The following MADD variants were observed in gnomAD, a reference collection of about 807,000 sequenced individuals.
MADD encodes MAP kinase-activating death domain protein.
In MADD, 109 loss-of-function variants were observed where a neutral mutation model predicts 176.7. That is an observed-to-expected ratio of 0.62 (90% confidence interval 0.53 to 0.72). The LOEUF is 0.72. MADD is among the 30% of genes least tolerant of loss of function. The pLI is 0.00. For missense variants in MADD, 1,914 were observed against 2,045.5 expected (o/e 0.94, Z 1.24); for synonymous variants, 771 against 771.3 (o/e 1.00, Z 0.01).
At chr11:47,292,946 A>G (rs2066667909) in intron 19 of MADD, among the ~76,000 whole-genome samples, 1 of 151,890 alleles carries the variant, frequency 6.6e-6, no homozygotes. Flanking sequence ...GTTGGCAGAG[A>G]TGGTTGCTGT....
At chr11:47,270,308 G>T (rs2135866800) in intron 1 of MADD, 62 bp downstream of exon 1, 1 of 152,198 alleles carries the variant, frequency 6.6e-6, no homozygotes, top group African/African-American at 2.4e-5. Context: ...GCGGGAGACG[G>T]GCTCTGAGAG....
Position 47,322,082 on chromosome 11 carries a change from G to A in MADD, c.4198-1589G>A, listed in dbSNP as rs76918177. Among the ~76,000 whole-genome samples, 811 of 152,154 alleles carry A rather than the reference G, an allele frequency of 5.3e-3. 3 individuals are homozygous for A. Among genetic ancestry groups the A allele is most frequent in the African/African-American group, 0.019 (774 of 41,486 alleles). On this transcript the variant is annotated intron_variant, in intron 27 of 32. Transcript: ENST00000402192. ...GTACTTTCTGTGTGCCTGGCTTTGTGTGCACCTTAAATACTTTATGCACAT... is the reference window on the plus strand; with the variant it reads ...GTACTTTCTGTGTGCCTGGCTTTGTATGCACCTTAAATACTTTATGCACAT...
At chr11:47,285,365 C>T (rs368757507) in intron 13 of MADD, 86 bp from the exon 14 acceptor site, 166 of 1,576,718 alleles carry the variant, frequency 1.1e-4, no homozygotes, top group Non-Finnish European at 1.4e-4. Context: ...AAGGGAGTGG[C>T]AACTGTAGTA....
rs2064477668 is a variant in MADD at position 47,290,825 on chromosome 11, C to T, written c.3301+9C>T. 33 of 1,597,012 alleles carry T rather than the reference C, an allele frequency of 2.1e-5. No individual in the cohort carries two copies. The East Asian group carries it at 7.0e-4, about 34-fold the overall frequency. On this transcript the variant is annotated intron_variant, in intron 19 of 32. Transcript: ENST00000402192. ...TTTTATAGCATCTATTGGTACGTAT[C>T]AGTGTGTTTGGTGTGGTGGAGGGGT...
chr11:47,308,498 A>G (rs2084992094), intron 22 of MADD, 93 bp from the exon 25 acceptor site: 1 of 791,738 alleles, frequency 1.3e-6, no homozygotes, highest in Non-Finnish European at 2.1e-6. Flanking sequence ...ATGGATGGTG[A>G]CTGGTGTGAG....
intron 1 of MADD, among the ~76,000 whole-genome samples, 198 bp from the exon 2 acceptor site, chr11:47,273,629 C>G (rs2046987871): frequency 1.0e-5 from 1 of 99,080 alleles, no homozygotes; most frequent in East Asian, 2.2e-4. Flanking sequence ...AGCCACCATG[C>G]CTGGCCTATC....
chr11:47,288,866 G>A, intron 15 of MADD, 102 bp from the exon 16 acceptor site: 1 of 891,980 alleles, frequency 1.1e-6, no homozygotes, highest in Non-Finnish European at 1.8e-6. Flanking sequence ...CATTCCTCAA[G>A]CTTTGGGAGA....
At chr11:47,313,509 A>T (rs1332182433) in intron 26 of MADD, among the ~76,000 whole-genome samples, 1 of 149,810 alleles carries the variant, frequency 6.7e-6, no homozygotes, top group Non-Finnish European at 1.5e-5. Flanking sequence ...ATTTTAATAG[A>T]GACGGGGTTT....
At chr11:47,315,400 G>A (rs554141271) in intron 27 of MADD, 73 bp downstream of exon 30, 1 of 769,386 alleles carries the variant, frequency 1.3e-6, no homozygotes, top group African/African-American at 1.7e-5. Context: ...CCGATGCCAG[G>A]ATATTTTTCT....
At chr11:47,328,414 T>G in intron 31 of MADD, 1 of 1,418,520 alleles carries the variant, frequency 7.0e-7, no homozygotes, top group Non-Finnish European at 9.2e-7. Flanking sequence ...GGCCATCAAG[T>G]AAACGCCACT....
intron 9 of MADD, 67 bp from the exon 10 acceptor site, chr11:47,282,746 T>C: frequency 6.3e-7 from 1 of 1,598,662 alleles, no homozygotes; most frequent in Non-Finnish European, 8.6e-7. Flanking sequence ...TTCCTGCCTT[T>C]CTTTCAGGCG....
intron 22 of MADD, among the ~76,000 whole-genome samples, chr11:47,296,764 GTTT>G (rs753454831): frequency 1.7e-5 from 2 of 116,912 alleles, no homozygotes; most frequent in Non-Finnish European, 3.5e-5. Context: ...GTTTTTTGTT[GTTT>G]TTTTTTTTTT....
intron 20 of MADD, 25 bp from the exon 23 acceptor site, chr11:47,295,471 C>G (rs1565415836): frequency 1.3e-6 from 2 of 1,592,584 alleles, no homozygotes; most frequent in African/African-American, 2.7e-5. Flanking sequence ...GACACCTCCC[C>G]TAATGTTCCT....
intron 5 of MADD, among the ~76,000 whole-genome samples, chr11:47,277,089 A>C (rs1244683229): frequency 1.3e-5 from 2 of 152,224 alleles, no homozygotes; most frequent in Non-Finnish European, 2.9e-5. Flanking sequence ...GCTACACTGC[A>C]GCAGGTGTTA....
At chr11:47,306,650 G>T (rs1051957615) in intron 22 of MADD, among the ~76,000 whole-genome samples, 2 of 151,900 alleles carry the variant, frequency 1.3e-5, no homozygotes, top group Non-Finnish European at 2.9e-5. Flanking sequence ...GGGATGGGGG[G>T]GAGGCCTGAT....
chr11:47,288,326 G>A (rs760154786), intron 15 of MADD, among the ~76,000 whole-genome samples: 2 of 152,194 alleles, frequency 1.3e-5, no homozygotes, highest in African/African-American at 4.8e-5. Context: ...GTTGTCAGGA[G>A]TCTAAGACAT....
intron 21 of MADD, 119 bp downstream of exon 23, chr11:47,295,698 G>A: frequency 6.4e-7 from 1 of 1,559,316 alleles, no homozygotes; most frequent in African/African-American, 1.4e-5. Flanking sequence ...TTCTCATGGT[G>A]GAGATGTTTA....
intron 19 of MADD, 96 bp downstream of exon 21, chr11:47,292,692 A>G: frequency 8.1e-7 from 1 of 1,242,028 alleles, no homozygotes; most frequent in Non-Finnish European, 1.2e-6. Flanking sequence ...GCCCCACCCC[A>G]AATTTGCTCT....
Position 47,329,522 on chromosome 11 carries a change from C to T in MADD, c.*372C>T, listed in dbSNP as rs1184507560. On this transcript the variant is annotated 3_prime_UTR_variant, in exon 33 of 33. Coordinates refer to ENST00000402192, the Ensembl canonical transcript of MADD. ...GTCTGGCTCTCCCTTCTCTGTGACC[C>T]GGCATGACTGGGCGCCTGGAGCAGT... 2.0e-5 allele frequency: 4 copies of T among 196,066 alleles called. No homozygotes were observed. In the East Asian group the frequency reaches 3.7e-4, roughly 18 times the overall value. The allele number at this position is 196,066 out of a possible 1,614,324, so 12.1% of individuals were successfully genotyped here.
Sources: gnomAD v4.1 joint callset for allele counts (sites outside exome capture counted in the v4.1 genomes callset) on GRCh38, gnomAD v4.1.1 for gene constraint, MANE v1.5 for transcripts, NCBI Gene and HGNC (gene_info 2026-07-23, HGNC 2026-07-21) for gene names.